The following RFX4 variants were observed in gnomAD, a reference collection of about 807,000 sequenced individuals.
The protein encoded by RFX4 is transcription factor RFX4.
In RFX4, 10 loss-of-function variants were observed where a neutral mutation model predicts 95.0. The observed-to-expected ratio is 0.11, with a 90% CI of 0.06 to 0.18. The LOEUF is 0.18. Ranked by LOEUF, RFX4 falls within the 10% of genes least tolerant of loss-of-function variation. RFX4 has a pLI of 1.00. For synonymous variants in RFX4, 321 were observed against 340.7 expected, an observed-to-expected ratio of 0.94 and a Z score of 0.64; for missense variants, 640 against 922.0, an observed-to-expected ratio of 0.69 and a Z score of 3.96.
intron 17 of RFX4, among the ~76,000 whole-genome samples, chr12:106,751,753 T>C (rs1249095741): frequency 6.6e-6 from 1 of 152,190 alleles, no homozygotes; most frequent in African/African-American, 2.4e-5. Flanking sequence ...AAGTGTCTGT[T>C]CATGTCCTTA....
intron 2 of RFX4, among the ~76,000 whole-genome samples, chr12:106,638,392 T>C (rs2040556033): frequency 6.6e-6 from 1 of 152,234 alleles, no homozygotes; most frequent in Non-Finnish European, 1.5e-5. Flanking sequence ...TCTTGATTTT[T>C]ACTATTGATG....
chr12:106,600,401 G>T (rs77330491), intron 1 of RFX4, among the ~76,000 whole-genome samples: 1 of 149,356 alleles, frequency 6.7e-6, no homozygotes, highest in Non-Finnish European at 1.5e-5. Context: ...TTTTTCTCTC[G>T]CGTGGCACTC....
chr12:106,715,274 T>C, intron 10 of RFX4, 126 bp from the exon 11 acceptor site: 1 of 1,071,534 alleles, frequency 9.3e-7, no homozygotes, highest in East Asian at 2.6e-5. Context: ...TGAAATTGAA[T>C]TTCCCGGAAT....
intron 1 of RFX4, among the ~76,000 whole-genome samples, chr12:106,584,958 C>T (rs1248591664): frequency 6.6e-6 from 1 of 152,236 alleles, no homozygotes; most frequent in Non-Finnish European, 1.5e-5. Flanking sequence ...GCAGGCCCCG[C>T]TGAGGTCTCT....
chr12:106,668,504 G>C (rs1264455373), intron 4 of RFX4, among the ~76,000 whole-genome samples: 1 of 152,202 alleles, frequency 6.6e-6, no homozygotes, highest in Non-Finnish European at 1.5e-5. Flanking sequence ...GCTGAGGTGA[G>C]AGGATCACTT....
At chr12:106,745,651 T>C (rs983821271) in intron 15 of RFX4, among the ~76,000 whole-genome samples, 7 of 152,190 alleles carry the variant, frequency 4.6e-5, no homozygotes, top group African/African-American at 1.7e-4. Flanking sequence ...AATGAAAACC[T>C]TTCCTTTATC....
chr12:106,721,095 A>C (rs565424018), intron 13 of RFX4, among the ~76,000 whole-genome samples: 43 of 152,272 alleles, frequency 2.8e-4, no homozygotes, highest in African/African-American at 1.0e-3. Context: ...TTTTGCCCAC[A>C]GATAGTACTA....
At chr12:106,702,790 C>T (rs1174842402) in intron 8 of RFX4, among the ~76,000 whole-genome samples, 1 of 152,182 alleles carries the variant, frequency 6.6e-6, no homozygotes, top group East Asian at 1.9e-4. Context: ...GTGTTTTCTG[C>T]TTTTCCCCTA....
chr12:106,598,764 G>A (rs970714117), intron 1 of RFX4, among the ~76,000 whole-genome samples: 6 of 152,116 alleles, frequency 3.9e-5, no homozygotes, highest in African/African-American at 9.7e-5. Flanking sequence ...AGTAGAAAAG[G>A]CAATGATGTC....
chr12:106,699,465 T>G (rs1251272852), intron 8 of RFX4, among the ~76,000 whole-genome samples: 5 of 152,208 alleles, frequency 3.3e-5, no homozygotes, highest in Admixed American at 1.3e-4. Context: ...ACTGATTTTC[T>G]GTCCATTTGT....
intron 2 of RFX4, among the ~76,000 whole-genome samples, chr12:106,611,750 A>G (rs2137211889): frequency 6.6e-6 from 1 of 152,084 alleles, no homozygotes; most frequent in South Asian, 2.1e-4. Context: ...TGACCTCGTG[A>G]TCTGCCCCCC....
At chr12:106,698,520 TG>T (rs1323419986) in intron 8 of RFX4, among the ~76,000 whole-genome samples, 1 of 152,160 alleles carries the variant, frequency 6.6e-6, no homozygotes, top group Non-Finnish European at 1.5e-5. Context: ...TTAAAAAATA[TG>T]TTGCTAGATC....
rs149153430 is a variant in RFX4, at chr12:106,654,214, G to T, written c.192-14G>T. 6.2e-7 allele frequency: 1 copy of T among 1,613,800 alleles called. No individual in the cohort carries two copies. The highest frequency in any genetic ancestry group is 1.7e-4 in the Middle Eastern group (1 of 6,010). On this transcript the variant is annotated splice_polypyrimidine_tract_variant and intron_variant, in intron 3 of 17. Coordinates refer to ENST00000392842, the MANE Select transcript of RFX4 (RefSeq NM_213594.3). ...GTAACACATTTTTTGCTCATTGGGC[G>T]TTTATTTCCCTAGGCTGGAGGAGAA...
chr12:106,608,729 C>A, intron 1 of RFX4, 68 bp from the exon 2 acceptor site: 1 of 1,392,508 alleles, frequency 7.2e-7, no homozygotes, highest in Non-Finnish European at 9.7e-7. Flanking sequence ...TCACAAACAC[C>A]CACAGCAATT....
rs187711407 is a variant in RFX4 at position 106,708,683 on chromosome 12, G to A, written c.834-647G>A. On this transcript the variant is annotated intron_variant, in intron 8 of 17. Transcript: ENST00000392842. ...CCTAGGCCTGTGAGCAGATGGCTTT[G>A]ATAGCAAGGGCCAGAAAATGGTGCC... 2.6e-5 allele frequency among the ~76,000 whole-genome samples: 4 copies of A among 152,284 alleles called. No homozygotes were observed. In the East Asian group the frequency reaches 7.7e-4, roughly 29 times the overall value.
chr12:106,601,379 GGT>G (rs1565945573), intron 1 of RFX4: 1 of 1,555,616 alleles, frequency 6.4e-7, no homozygotes, highest in South Asian at 1.2e-5. Flanking sequence ...AGGAGACTGG[GGT>G]GGGCCTGGCA....
rs2042366351 is a variant in RFX4 at position 106,720,008 on chromosome 12, C to A, written c.1187C>A (p.Ser396Tyr). 1 of 1,614,176 alleles carries A rather than the reference C, an allele frequency of 6.2e-7. No homozygotes were observed. Among genetic ancestry groups the A allele is most frequent in the East Asian group, 2.2e-5 (1 of 44,884 alleles). The change falls in exon 12 of 18, where the codon TCC (serine) becomes TAC (tyrosine). Residue 396 changes from serine to tyrosine, a missense_variant. Around this residue, in one of 7 missense-constraint regions of RFX4, gnomAD observed 72 missense variants for 80.5 expected, o/e 0.89. Coordinates refer to ENST00000392842, the MANE Select transcript of RFX4 (RefSeq NM_213594.3). This position sits in a 1 kb window ranked among gnomAD's most constrained non-coding sequence, Gnocchi z 4.2. Reference protein sequence around the residue: ...HLLEEQSPIESYIEWLDTMVD... With the variant: ...HLLEEQSPIEYYIEWLDTMVD... ...TTGGAGGAGCAGTCTCCCATCGAGT[C>A]CTACATTGAGTGGCTGGATACCATG...
intron 2 of RFX4, among the ~76,000 whole-genome samples, chr12:106,610,763 T>C (rs1020316265): frequency 6.6e-6 from 1 of 152,226 alleles, no homozygotes; most frequent in Non-Finnish European, 1.5e-5. Context: ...TAAATAACGC[T>C]GTTTTGAACA....
chr12:106,724,011 A>G (rs1424344039), intron 13 of RFX4, among the ~76,000 whole-genome samples: 2 of 152,192 alleles, frequency 1.3e-5, no homozygotes, highest in Non-Finnish European at 2.9e-5. Context: ...ATAACAACAC[A>G]GAAACATGTA....
Sources: gnomAD v4.1 joint callset for allele counts (sites outside exome capture counted in the v4.1 genomes callset) on GRCh38, gnomAD v4.1.1 for gene constraint, gnomAD v4.1.1 regional missense constraint, Gnocchi (gnomAD v3.1) non-coding constraint, MANE v1.5 for transcripts, NCBI Gene and HGNC (gene_info 2026-07-23, HGNC 2026-07-21) for gene names.